The following C6orf141 variants were observed in gnomAD, a reference collection of about 807,000 sequenced individuals.
The protein encoded by C6orf141 is uncharacterized protein C6orf141.
For missense variants in C6orf141, 361 were observed against 335.8 expected, an observed-to-expected ratio of 1.07 and a Z score of -0.59; for synonymous variants, 164 against 140.5, an observed-to-expected ratio of 1.17 and a Z score of -1.18.
intron 4 of C6orf141, among the ~76,000 whole-genome samples, chr6:49,557,694 A>T (rs1280187321): frequency 6.6e-6 from 1 of 152,214 alleles, no homozygotes; most frequent in Non-Finnish European, 1.5e-5. Context: ...TCTAACTATC[A>T]GTCTCTGTGG....
At chr6:49,558,147 C>CAA (rs1276431006) in intron 4 of C6orf141, among the ~76,000 whole-genome samples, 1 of 149,582 alleles carries the variant, frequency 6.7e-6, no homozygotes, top group Non-Finnish European at 1.5e-5. Context: ...CAATGATCCA[C>CAA]TTGCCTTGGC....
downstream of C6orf141, among the ~76,000 whole-genome samples, chr6:49,556,400 G>C (rs1184073650): frequency 6.6e-6 from 1 of 152,202 alleles, no homozygotes; most frequent in Non-Finnish European, 1.5e-5. Context: ...TTGGCGAAGA[G>C]ATCTCTATGA....
downstream of C6orf141, among the ~76,000 whole-genome samples, chr6:49,552,770 T>G (rs1299068821): frequency 6.6e-6 from 1 of 152,270 alleles, no homozygotes; most frequent in East Asian, 1.9e-4. Context: ...TCTTGTAGCA[T>G]GTCTAAGTCA....
rs1188136370 is a variant in C6orf141 at position 49,551,263 on chromosome 6, CG to C, written c.472del (p.Val158CysfsTer10). ...GGGACGCAGCAGACCCACCCAAATA[CG>C]TGCTTGTGCGGGTGGAGGATTATCA... On this transcript the variant is annotated frameshift_variant and NMD_transcript_variant, in exon 1 of 5. Transcript: ENST00000371194. The C allele has an allele frequency of 4.5e-6, 7 of 1,551,666 alleles. No homozygotes were observed. The East Asian group carries it at 1.7e-4, about 38-fold the overall frequency.
downstream of C6orf141, chr6:49,555,173 T>G (rs1043818221): frequency 6.6e-6 from 1 of 152,226 alleles, no homozygotes. Flanking sequence ...TGTTATCCTC[T>G]CTTAAAACTC....
chr6:49,558,748 C>T (rs1007537925), intron 4 of C6orf141, among the ~76,000 whole-genome samples: 1 of 151,720 alleles, frequency 6.6e-6, no homozygotes, highest in African/African-American at 2.4e-5. Flanking sequence ...TGCTCTGTTG[C>T]CCAGGCTGGA....
At chr6:49,559,229 T>C (rs1772774889) in intron 4 of C6orf141, among the ~76,000 whole-genome samples, 1 of 103,762 alleles carries the variant, frequency 9.6e-6, no homozygotes, top group Non-Finnish European at 1.9e-5. Flanking sequence ...TATATATATA[T>C]ATATTCAGTC....
chr6:49,551,034 G>T lies in C6orf141; in HGVS notation c.242G>T (p.Arg81Leu), dbSNP rs1232148836. The change falls in exon 1 of 1, where the codon CGT becomes CTT. Residue 81 changes from arginine (R) to leucine (L), a missense_variant. Physicochemically the swap from Arg to Leu is moderately radical, Grantham distance 102. Transcript: ENST00000529246. ...CCTCGGGCCGGGGAGGAATTGGACC[G>T]TGAGTCCTGGGTCAGAGAGAAAGTG... ...LGPRAGEELD[R>L]ESWVREKVLF... The T allele has an allele frequency of 6.4e-7, 1 of 1,551,498 alleles. No individual in the cohort carries two copies.
In C6orf141 at chr6:49,551,242, C is replaced by A. The variant is rs773486849; in HGVS notation, c.450C>A (p.Asp150Glu). ...GCAGGCGTGTAGCCCCGCCGCGGGA[C>A]GCAGCAGACCCACCCAAATACGTGC... The part of the protein sequence containing the change: ...ISGRRVAPPR[D>E]AADPPKYVLV... The change falls in exon 1 of 1, where the codon GAC becomes GAA. Residue 150 changes from aspartate (D) to glutamate (E), a missense_variant. Asp to Glu is a conservative substitution (Grantham distance 45). Transcript: ENST00000529246. 85 of 1,551,586 alleles carry A rather than the reference C, an allele frequency of 5.5e-5. No homozygotes were observed. The highest frequency in any genetic ancestry group is 2.2e-4 in the Admixed American group (11 of 50,980).
At chr6:49,554,341 T>C (rs183492698), downstream of C6orf141, among the ~76,000 whole-genome samples, 22 of 152,370 alleles carry the variant, frequency 1.4e-4, no homozygotes, top group African/African-American at 5.3e-4. Context: ...ACGTATTTAG[T>C]CAAGTTAGCT....
chr6:49,556,524 A>G (rs541135169), downstream of C6orf141, among the ~76,000 whole-genome samples: 2 of 152,346 alleles, frequency 1.3e-5, no homozygotes, highest in African/African-American at 4.8e-5. Flanking sequence ...TTTGTTGTCT[A>G]GGAATATGAA....
chr6:49,552,021 T>C lies in C6orf141; in HGVS notation c.*494T>C. 1 of 831,046 alleles carries C rather than the reference T, an allele frequency of 1.2e-6. No homozygotes were observed. Among genetic ancestry groups the C allele is most frequent in the Non-Finnish European group, 1.5e-6 (1 of 675,114 alleles). 51.5% of individuals were successfully genotyped at this position (831,046 alleles called of 1,614,324 possible). A position where few individuals can be genotyped will look rare whatever the true frequency, so the allele number is the denominator to read the frequency against. Reference sequence around the variant, plus strand: ...AAAACCAAAGCAGCAAGTGACTCTCTTCTGATGTGCACTTTTCATTTTTCT... The same window carrying C: ...AAAACCAAAGCAGCAAGTGACTCTCCTCTGATGTGCACTTTTCATTTTTCT... On this transcript the variant is annotated 3_prime_UTR_variant, in exon 1 of 1. Transcript: ENST00000529246.
chr6:49,557,736 A>G (rs1022417574), intron 4 of C6orf141, among the ~76,000 whole-genome samples: 2 of 152,190 alleles, frequency 1.3e-5, no homozygotes, highest in Non-Finnish European at 1.5e-5. Flanking sequence ...CAAAGTGCCA[A>G]TCAGCAAACA....
intron 4 of C6orf141, among the ~76,000 whole-genome samples, chr6:49,559,190 A>G (rs1359077316): frequency 3.0e-5 from 1 of 32,848 alleles, no homozygotes; most frequent in Non-Finnish European, 5.3e-5. Flanking sequence ...ATATATATAT[A>G]TATATATATA....
At chr6:49,558,059 GTTTTT>G (rs71002664) in intron 4 of C6orf141, among the ~76,000 whole-genome samples, 3 of 97,766 alleles carry the variant, frequency 3.1e-5, no homozygotes, top group Admixed American at 1.3e-4. Context: ...ACTCAAATAT[GTTTTT>G]TTTTTTTTTT....
chr6:49,555,367 G>T (rs1771631166), downstream of C6orf141: 1 of 152,032 alleles, frequency 6.6e-6, no homozygotes. Context: ...ATATTATGAA[G>T]AAAAAGAAGA....
In C6orf141 at chr6:49,551,939, TGGA is replaced by T; in HGVS notation, c.*414_*416del. ...TCTCTGCAAAGAGGGTGGGAGTGGG[TGGA>T]GAAGAGGCTTGTTTTAAAAGCCAAA... On this transcript the variant is annotated 3_prime_UTR_variant, in exon 1 of 1. Transcript: ENST00000529246. 9.8e-7 allele frequency: 1 copy of T among 1,021,914 alleles called. No homozygotes were observed. The highest frequency in any genetic ancestry group is 4.4e-5 in the South Asian group (1 of 22,944). The allele number at this position is 1,021,914 out of a possible 1,614,324, so 63.3% of individuals were successfully genotyped here.
chr6:49,553,625 C>T (rs1270173844), downstream of C6orf141, among the ~76,000 whole-genome samples: 1 of 152,164 alleles, frequency 6.6e-6, no homozygotes, highest in Non-Finnish European at 1.5e-5. Context: ...ACTCAGCTGC[C>T]TTCTCTGGAG....
At position 49,551,024 on chromosome 6, in the gene C6orf141, G is replaced by A. The variant is rs945681656; in HGVS notation, c.232G>A (p.Glu78Lys). The part of the protein sequence containing the change: ...DRALGPRAGE[E>K]LDRESWVREK... ...GGCCCTCGGACCTCGGGCCGGGGAG[G>A]AATTGGACCGTGAGTCCTGGGTCAG... Residue 78 changes from glutamate to lysine, a missense_variant, in exon 1 of 1, where the codon GAA becomes AAA. Physicochemically the swap from Glu to Lys is moderately conservative, Grantham distance 56. Transcript: ENST00000529246. The A allele has an allele frequency of 3.2e-6, 5 of 1,551,400 alleles. No homozygotes were observed. In the African/African-American group the frequency reaches 5.5e-5, roughly 17 times the overall value.
Sources: allele counts gnomAD v4.1 joint callset (sites outside exome capture counted in the v4.1 genomes callset), GRCh38; gene constraint gnomAD v4.1.1; transcripts MANE v1.5; gene names NCBI Gene and HGNC (gene_info 2026-07-23, HGNC 2026-07-21).